The following ST6GAL2 variants were observed in gnomAD, a reference collection of about 807,000 sequenced individuals.
ST6GAL2 encodes the protein ST6 beta-galactoside alpha-2,6-sialyltransferase 2, also known as beta-galactoside alpha-2,6-sialyltransferase 2.
ST6GAL2 carries 24 observed loss-of-function variants against 37.5 expected under a neutral mutation model. The ratio of observed to expected loss-of-function variants is 0.64; its 90% confidence interval spans 0.46 to 0.90. The LOEUF is 0.90. Ranked by LOEUF, ST6GAL2 falls within the 40% of genes least tolerant of loss-of-function variation. The probability of loss-of-function intolerance (pLI) is 0.00; values close to 1 mark genes in which losing one functional copy is unlikely to be tolerated. For missense variants in ST6GAL2, 715 were observed against 712.7 expected (o/e 1.00, Z -0.04); for synonymous variants, 306 against 295.1 (o/e 1.04, Z -0.38).
chr2:106,844,124 G>T, intron 1 of ST6GAL2, 90 bp from the exon 2 acceptor site: 1 of 611,484 alleles, frequency 1.6e-6, no homozygotes, highest in Admixed American at 3.0e-5. Context: ...GTTTCTGTAG[G>T]TGGTGGGGTG....
At chr2:106,873,237 G>A (rs1678353107) in intron 1 of ST6GAL2, among the ~76,000 whole-genome samples, 3 of 152,206 alleles carry the variant, frequency 2.0e-5, no homozygotes, top group Admixed American at 2.0e-4. Flanking sequence ...GTAGGGGACA[G>A]CACAGCAGCT....
rs1573232786 is a variant in ST6GAL2 at position 106,830,354 on chromosome 2, A to T, written c.1144-114T>A. 1.5e-5 allele frequency: 12 copies of T among 802,478 alleles called. No individual in the cohort carries two copies. In the East Asian group the frequency reaches 3.0e-4, roughly 20 times the overall value. 49.7% of individuals were successfully genotyped at this position (802,478 alleles called of 1,614,324 possible). ...GCCAGGCTGGGGCTAGAGGATGGGG[A>T]AAGATCATGACTCATGACATCTACA... is the stretch of plus-strand genomic sequence containing the variant. On this transcript the variant is annotated intron_variant, in intron 4 of 5. Coordinates refer to ENST00000409382, the MANE Select transcript of ST6GAL2 (RefSeq NM_001142351.2).
intron 5 of ST6GAL2, among the ~76,000 whole-genome samples, chr2:106,809,607 G>C (rs1675536888): frequency 6.6e-6 from 1 of 152,180 alleles, no homozygotes; most frequent in Non-Finnish European, 1.5e-5. Flanking sequence ...AATGACACAG[G>C]CAGCTTGATC....
At chr2:106,877,359 G>A (rs1050841232) in intron 1 of ST6GAL2, among the ~76,000 whole-genome samples, 11 of 152,196 alleles carry the variant, frequency 7.2e-5, no homozygotes, top group Middle Eastern at 3.2e-3. Flanking sequence ...AGTAAATCTG[G>A]ATTAAAATAT....
At chr2:106,857,711 A>G (rs1677634612) in intron 1 of ST6GAL2, among the ~76,000 whole-genome samples, 1 of 152,182 alleles carries the variant, frequency 6.6e-6, no homozygotes, top group African/African-American at 2.4e-5. Flanking sequence ...TGGCCCTTCA[A>G]AGAAATTTCT....
rs545487493 is a variant in ST6GAL2, at chr2:106,874,254, T to C, written c.-58+11839A>G. Among the ~76,000 whole-genome samples, 3 of 152,156 alleles carry C rather than the reference T, an allele frequency of 2.0e-5. No homozygotes were observed. The East Asian group carries it at 5.8e-4, about 30-fold the overall frequency. ...GGACCATTAAATCATGTTAGGTGTG[T>C]GTGTGTCAGAAAAGGCTTGCTGGTA... On this transcript the variant is annotated intron_variant, in intron 1 of 5. Transcript: ENST00000409382.
chr2:106,808,073 T>G (rs572795173), intron 5 of ST6GAL2, among the ~76,000 whole-genome samples: 4 of 152,266 alleles, frequency 2.6e-5, no homozygotes, highest in Non-Finnish European at 5.9e-5. Flanking sequence ...AGCACAGTTA[T>G]TCTTGTTATA....
At chr2:106,825,376 C>A (rs143900097) in intron 5 of ST6GAL2, among the ~76,000 whole-genome samples, 142 of 152,336 alleles carry the variant, frequency 9.3e-4, no homozygotes, top group Admixed American at 2.5e-3. Context: ...AACACATTAT[C>A]CAGCCTGAAT....
chr2:106,814,489 T>TC (rs1491234346), intron 5 of ST6GAL2, among the ~76,000 whole-genome samples: 1 of 113,806 alleles, frequency 8.8e-6, no homozygotes, highest in East Asian at 6.8e-4. Flanking sequence ...GTGTTTGCGT[T>TC]CAAAAAAAAA....
Position 106,843,872 on chromosome 2 carries a change from CG to C in ST6GAL2, c.105del (p.Ala36LeufsTer138). 1 of 1,610,174 alleles carries C rather than the reference CG, an allele frequency of 6.2e-7. No individual in the cohort carries two copies. The highest frequency in any genetic ancestry group is 8.5e-7 in the Non-Finnish European group (1 of 1,179,612). On this transcript the variant is annotated frameshift_variant, in exon 2 of 6. Coordinates refer to ENST00000409382, the MANE Select transcript of ST6GAL2 (RefSeq NM_001142351.2). LOFTEE classifies it high-confidence loss of function. ...GAGAGGGAGCTGGGTACAGGCTCAG[CG>C]GGGTTGCTGTCGGTGAAGTAGATGA... ...LIFIYFTDSN[P>X]AEPVPSSLSF...
At chr2:106,855,476 G>C (rs1410069677) in intron 1 of ST6GAL2, among the ~76,000 whole-genome samples, 1 of 152,210 alleles carries the variant, frequency 6.6e-6, no homozygotes, top group African/African-American at 2.4e-5. Context: ...GGCCATTTAT[G>C]TAAAATGTTT....
chr2:106,842,028 T>C (rs1000734044), intron 2 of ST6GAL2, among the ~76,000 whole-genome samples: 3 of 152,100 alleles, frequency 2.0e-5, no homozygotes, highest in South Asian at 2.1e-4. Flanking sequence ...ACTCTCAAAA[T>C]GCAGGTGCGC....
intron 1 of ST6GAL2, among the ~76,000 whole-genome samples, chr2:106,875,548 T>A (rs951234525): frequency 1.3e-5 from 2 of 152,206 alleles, no homozygotes; most frequent in Non-Finnish European, 2.9e-5. Context: ...TCAAAGCTGG[T>A]CAGCACACTC....
chr2:106,859,095 A>G (rs1026085135), intron 1 of ST6GAL2, among the ~76,000 whole-genome samples: 4 of 152,164 alleles, frequency 2.6e-5, no homozygotes, highest in African/African-American at 9.7e-5. Flanking sequence ...GGACTAGACA[A>G]TCTTCCTGAT....
intron 2 of ST6GAL2, among the ~76,000 whole-genome samples, chr2:106,840,713 G>A (rs75953319): frequency 0.029 from 4,407 of 152,200 alleles, 190 homozygotes; most frequent in African/African-American, 0.097. Flanking sequence ...ACTTCTCAGC[G>A]TCTTTCACGT....
At chr2:106,870,715 T>C (rs1678227860) in intron 1 of ST6GAL2, among the ~76,000 whole-genome samples, 1 of 152,090 alleles carries the variant, frequency 6.6e-6, no homozygotes, top group African/African-American at 2.4e-5. Context: ...TTCCTAGACA[T>C]TAACATTCCG....
At chr2:106,867,451 C>G (rs560967385) in intron 1 of ST6GAL2, among the ~76,000 whole-genome samples, 17 of 152,270 alleles carry the variant, frequency 1.1e-4, no homozygotes, top group African/African-American at 4.1e-4. Context: ...ATTCATTGAA[C>G]AAGTATTCAC....
intron 1 of ST6GAL2, among the ~76,000 whole-genome samples, chr2:106,857,495 T>A (rs370913509): frequency 2.4e-4 from 36 of 152,084 alleles, no homozygotes; most frequent in East Asian, 1.4e-3. Flanking sequence ...TCTCAGCTAC[T>A]CGGGAGGCTG....
At chr2:106,858,922 A>C (rs563089939) in intron 1 of ST6GAL2, among the ~76,000 whole-genome samples, 5 of 152,138 alleles carry the variant, frequency 3.3e-5, no homozygotes, top group South Asian at 4.1e-4. Flanking sequence ...GATGGGCCCC[A>C]AAAAAGGAAA....
Sources: allele counts gnomAD v4.1 joint callset (sites outside exome capture counted in the v4.1 genomes callset), GRCh38; gene constraint gnomAD v4.1.1; transcripts MANE v1.5; gene names NCBI Gene and HGNC (gene_info 2026-07-23, HGNC 2026-07-21).